MAD1L1: variants seen among roughly 807,000 people sequenced by gnomAD.
MAD1L1 encodes mitotic arrest deficient 1 like 1, also known as mitotic spindle assembly checkpoint protein MAD1.
Under a neutral mutation model 96.9 loss-of-function variants are expected in MAD1L1, and 95 were observed. The ratio of observed to expected loss-of-function variants is 0.98; its 90% CI spans 0.83 to 1.16. The LOEUF is 1.16. Ranked by LOEUF, MAD1L1 falls within the 50% of genes most tolerant of loss-of-function variation. The probability of loss-of-function intolerance (pLI) is 0.00; values close to 1 mark genes in which losing one functional copy is unlikely to be tolerated. For synonymous variants in MAD1L1, 473 were observed against 396.6 expected (o/e 1.19, Z -2.29); for missense variants, 1,007 against 954.4 (o/e 1.06, Z -0.73).
chr7:2,017,611 G>T (rs891521493), intron 12 of MAD1L1, among the ~76,000 whole-genome samples: 6 of 152,218 alleles, frequency 3.9e-5, no homozygotes, highest in Admixed American at 2.6e-4. Flanking sequence ...AGGCAGCGGT[G>T]GGGAAGGGCA....
chr7:1,963,698 G>A (rs536596149), intron 15 of MAD1L1, among the ~76,000 whole-genome samples: 11 of 152,348 alleles, frequency 7.2e-5, no homozygotes, highest in Admixed American at 6.5e-5. Context: ...AGGGGCAAGT[G>A]TCTCTGTCAT....
chr7:1,953,647 G>C (rs949307668), intron 16 of MAD1L1, among the ~76,000 whole-genome samples: 3 of 152,272 alleles, frequency 2.0e-5, no homozygotes, highest in South Asian at 4.1e-4. Flanking sequence ...GGCTGGGCGA[G>C]GGATAAAGAG....
chr7:2,203,429 G>A (rs1292635407), intron 10 of MAD1L1, among the ~76,000 whole-genome samples: 1 of 152,252 alleles, frequency 6.6e-6, no homozygotes, highest in Non-Finnish European at 1.5e-5. Context: ...GGAGCGCACA[G>A]CACTCATGCT....
intron 10 of MAD1L1, among the ~76,000 whole-genome samples, chr7:2,201,138 G>A (rs1180488195): frequency 6.6e-6 from 1 of 152,202 alleles, no homozygotes; most frequent in East Asian, 1.9e-4. Flanking sequence ...GTTGGGTGGG[G>A]AGCTGTGGAG....
intron 18 of MAD1L1, among the ~76,000 whole-genome samples, chr7:1,888,568 C>T: frequency 6.8e-6 from 1 of 147,780 alleles, no homozygotes; most frequent in East Asian, 2.0e-4. Context: ...ATGCATGTGG[C>T]TGTACATGTG....
intron 12 of MAD1L1, among the ~76,000 whole-genome samples, chr7:2,025,138 A>G (rs1454287938): frequency 6.6e-6 from 1 of 152,244 alleles, no homozygotes; most frequent in African/African-American, 2.4e-5. Flanking sequence ...GGAAAGAATC[A>G]TATGAGAGCT....
chr7:1,983,083 C>T lies in MAD1L1; in HGVS notation c.1417-2542G>A, dbSNP rs750253938. On this transcript the variant is annotated intron_variant, in intron 14 of 18. Coordinates refer to ENST00000265854, the MANE Select transcript of MAD1L1 (RefSeq NM_001013836.2). ...TAACAATGACACTGATACACGTATG[C>T]GCGTGCATGCACACACACACACGTG... is the stretch of plus-strand genomic sequence containing the variant. 3.0e-4 allele frequency among the ~76,000 whole-genome samples: 45 copies of T among 152,082 alleles called. 1 individual carries two copies. Among genetic ancestry groups the T allele is most frequent in the Non-Finnish European group, 1.6e-4 (11 of 68,012 alleles).
rs6957370 is a variant in MAD1L1, at chr7:1,947,740, C to A, written c.1596+9889G>T. 4.3e-3 allele frequency among the ~76,000 whole-genome samples: 659 copies of A among 152,376 alleles called. 4 individuals carry two copies. Among genetic ancestry groups the A allele is most frequent in the African/African-American group, 0.015 (618 of 41,586 alleles). ...TGGGTTGTGGAACCTGCCTCTGTAA[C>A]AAGCCCAGGCGAGGGTCACACCTCC... On this transcript the variant is annotated intron_variant, in intron 16 of 18. Coordinates refer to ENST00000265854, the MANE Select transcript of MAD1L1 (RefSeq NM_001013836.2).
At chr7:1,892,633 A>G (rs1219747806) in intron 18 of MAD1L1, among the ~76,000 whole-genome samples, 1 of 152,196 alleles carries the variant, frequency 6.6e-6, no homozygotes, top group Non-Finnish European at 1.5e-5. Flanking sequence ...CAGGTTTTCG[A>G]ATCGGGGAGG....
chr7:2,197,752 G>A (rs1208577518), intron 10 of MAD1L1, among the ~76,000 whole-genome samples: 2 of 152,196 alleles, frequency 1.3e-5, no homozygotes, highest in African/African-American at 2.4e-5. Flanking sequence ...CCAGCCCTAG[G>A]GCTCCTCTAG....
At chr7:1,917,592 A>T (rs1788491841) in intron 17 of MAD1L1, among the ~76,000 whole-genome samples, 1 of 152,244 alleles carries the variant, frequency 6.6e-6, no homozygotes, top group African/African-American at 2.4e-5. Flanking sequence ...CTAATTGGGT[A>T]CTTGGCTTGA....
Position 2,107,122 on chromosome 7 carries a change from G to T in MAD1L1, c.1074-37784C>A, listed in dbSNP as rs566173194. 3.3e-5 allele frequency among the ~76,000 whole-genome samples: 5 copies of T among 152,358 alleles called. No homozygotes were observed. In the South Asian group the frequency reaches 8.3e-4, roughly 25 times the overall value. On this transcript the variant is annotated intron_variant, in intron 11 of 18. Coordinates refer to ENST00000265854, the MANE Select transcript of MAD1L1 (RefSeq NM_001013836.2). ...AGGGCCTGAGGATGGCAGCGCACCG[G>T]GAGGCGTGGAAGGAGGCAGGGCCAA...
At chr7:1,939,003 A>ACACACG (rs1778790533) in intron 16 of MAD1L1, among the ~76,000 whole-genome samples, 1 of 129,102 alleles carries the variant, frequency 7.7e-6, no homozygotes, top group Non-Finnish European at 1.7e-5. Flanking sequence ...ACACACGCAC[A>ACACACG]CACACACACA....
chr7:2,123,746 G>A (rs76029515), intron 11 of MAD1L1, among the ~76,000 whole-genome samples: 47 of 152,336 alleles, frequency 3.1e-4, no homozygotes, highest in African/African-American at 9.1e-4. Context: ...ATCCTCCGGC[G>A]GCGTGGTGCT....
At chr7:1,952,953 A>G (rs1779567652) in intron 16 of MAD1L1, among the ~76,000 whole-genome samples, 1 of 152,224 alleles carries the variant, frequency 6.6e-6, no homozygotes, top group Non-Finnish European at 1.5e-5. Flanking sequence ...GTACAGGGAC[A>G]CGACCCCAGC....
chr7:1,967,519 C>T (rs760309981), intron 15 of MAD1L1, among the ~76,000 whole-genome samples: 3 of 152,178 alleles, frequency 2.0e-5, no homozygotes, highest in East Asian at 3.8e-4. Flanking sequence ...GCAAACACTA[C>T]GGTAAAGGCA....
At chr7:2,208,829 T>C (rs1430066321) in intron 10 of MAD1L1, among the ~76,000 whole-genome samples, 5 of 152,140 alleles carry the variant, frequency 3.3e-5, no homozygotes, top group Non-Finnish European at 7.4e-5. Context: ...GGGTGTGTGC[T>C]GGCCTCCGCT....
At chr7:2,161,673 C>T (rs1183966340) in intron 10 of MAD1L1, among the ~76,000 whole-genome samples, 2 of 151,904 alleles carry the variant, frequency 1.3e-5, no homozygotes, top group African/African-American at 4.8e-5. Context: ...CGTCTCTGCC[C>T]GGCCGCCCAT....
chr7:1,960,854 C>T (rs1351970801), intron 15 of MAD1L1, among the ~76,000 whole-genome samples: 5 of 152,186 alleles, frequency 3.3e-5, no homozygotes, highest in African/African-American at 1.2e-4. Flanking sequence ...TTCAGGAGCA[C>T]TTGAACTATG....
Sources: gnomAD v4.1 joint callset for allele counts (sites outside exome capture counted in the v4.1 genomes callset) on GRCh38, gnomAD v4.1.1 for gene constraint, MANE v1.5 for transcripts, NCBI Gene and HGNC (gene_info 2026-07-23, HGNC 2026-07-21) for gene names.